CPPED1: variants seen among roughly 807,000 people sequenced by gnomAD.
The protein encoded by CPPED1 is serine/threonine-protein phosphatase CPPED1.
A neutral mutation model predicts 28.0 loss-of-function variants in CPPED1; 28 were observed. That is an observed-to-expected ratio of 1.00 (90% CI 0.74 to 1.37). CPPED1 has a LOEUF of 1.37. CPPED1 is among the 40% of genes most tolerant of loss of function. The pLI is 0.00. For synonymous variants in CPPED1, 198 were observed against 180.2 expected (o/e 1.10, Z -0.79); for missense variants, 504 against 416.5 (o/e 1.21, Z -1.83).
intron 1 of CPPED1, among the ~76,000 whole-genome samples, chr16:12,801,407 A>G (rs548385160): frequency 6.6e-6 from 1 of 152,060 alleles, no homozygotes; most frequent in African/African-American, 2.4e-5. Context: ...ACAAATATAT[A>G]GGCGTGAGCC....
chr16:12,692,845 T>C (rs1206577823), intron 3 of CPPED1, among the ~76,000 whole-genome samples: 1 of 152,176 alleles, frequency 6.6e-6, no homozygotes, highest in Non-Finnish European at 1.5e-5. Flanking sequence ...GCACGCAGCA[T>C]AGGGCCCCAC....
chr16:12,708,201 T>C (rs1002501064), intron 2 of CPPED1, among the ~76,000 whole-genome samples: 8 of 152,146 alleles, frequency 5.3e-5, no homozygotes, highest in Non-Finnish European at 1.2e-4. Context: ...GCCTCTTTCT[T>C]GTGTAGCTTT....
chr16:12,702,390 T>A (rs1274222347), intron 3 of CPPED1, among the ~76,000 whole-genome samples: 2 of 152,012 alleles, frequency 1.3e-5, no homozygotes, highest in African/African-American at 4.8e-5. Context: ...TTAAAAAAAT[T>A]AGCTGGGCAT....
At chr16:12,675,136 G>C (rs1026172074) in intron 3 of CPPED1, among the ~76,000 whole-genome samples, 2 of 152,226 alleles carry the variant, frequency 1.3e-5, no homozygotes, top group African/African-American at 4.8e-5. Flanking sequence ...CAACTCGATG[G>C]AGGTAAGGAA....
intron 2 of CPPED1, among the ~76,000 whole-genome samples, chr16:12,759,931 G>T (rs1293125353): frequency 6.6e-6 from 1 of 152,134 alleles, no homozygotes; most frequent in Non-Finnish European, 1.5e-5. Context: ...AAGTCAGAAG[G>T]GAATACCAAA....
intron 3 of CPPED1, among the ~76,000 whole-genome samples, chr16:12,691,820 G>T (rs985770201): frequency 1.1e-5 from 1 of 94,160 alleles, no homozygotes; most frequent in Non-Finnish European, 1.9e-5. Flanking sequence ...TGTGGGGTGG[G>T]GGGAGGGGGG....
intron 3 of CPPED1, among the ~76,000 whole-genome samples, chr16:12,678,622 C>T (rs1055902022): frequency 6.6e-6 from 1 of 152,082 alleles, no homozygotes; most frequent in Admixed American, 6.5e-5. Context: ...CTTTGCTATT[C>T]CTAGGTATTT....
In CPPED1 at chr16:12,759,065, G is replaced by C. The variant is rs143659441; in HGVS notation, c.289+22120C>G. 4.0e-3 allele frequency among the ~76,000 whole-genome samples: 611 copies of C among 151,048 alleles called. 6 individuals carry two copies. Among genetic ancestry groups the C allele is most frequent in the Middle Eastern group, 0.02 (6 of 294 alleles). On this transcript the variant is annotated intron_variant, in intron 2 of 3. Coordinates refer to ENST00000381774, the MANE Select transcript of CPPED1 (RefSeq NM_018340.3). ...GCAGTCCCAGCTACTCAGGGGGCTA[G>C]GGTAGCAGGATCACTTGAGCCCAAG... is the stretch of plus-strand genomic sequence containing the variant.
At chr16:12,673,298 G>GT (rs766552120) in intron 3 of CPPED1, among the ~76,000 whole-genome samples, 61 of 152,340 alleles carry the variant, frequency 4.0e-4, no homozygotes, top group Middle Eastern at 6.8e-3. Context: ...ATGGGACCGC[G>GT]TAAGATCAGC....
intron 3 of CPPED1, among the ~76,000 whole-genome samples, chr16:12,694,690 G>A (rs2079980023): frequency 7.9e-6 from 1 of 126,674 alleles, no homozygotes; most frequent in African/African-American, 3.0e-5. Flanking sequence ...TAGCTGATAA[G>A]GTCCCACAAA....
chr16:12,742,090 T>C (rs952533941), intron 2 of CPPED1, among the ~76,000 whole-genome samples: 2 of 151,688 alleles, frequency 1.3e-5, no homozygotes, highest in African/African-American at 4.8e-5. Context: ...AATAAATAAA[T>C]AAATAAAATA....
intron 2 of CPPED1, among the ~76,000 whole-genome samples, chr16:12,773,696 G>A (rs1199854564): frequency 6.6e-6 from 1 of 152,076 alleles, no homozygotes; most frequent in Non-Finnish European, 1.5e-5. Context: ...ACCCAGCCTG[G>A]GCGACAGAGT....
At position 12,676,162 on chromosome 16, in the gene CPPED1, C is replaced by A. The variant is rs1427461519; in HGVS notation, c.716-11047G>T. 4.6e-5 allele frequency among the ~76,000 whole-genome samples: 7 copies of A among 152,170 alleles called. No individual in the cohort carries two copies. The South Asian group carries it at 1.4e-3, about 32-fold the overall frequency. On this transcript the variant is annotated intron_variant, in intron 3 of 3. Transcript: ENST00000381774. ...TATATCTTCCCCAGTGACCCAATGC[C>A]TGTGGCCCAGGACTGCCAGGGGACA... is the stretch of plus-strand genomic sequence containing the variant.
chr16:12,744,733 T>C (rs561179483), intron 2 of CPPED1, among the ~76,000 whole-genome samples: 2 of 152,104 alleles, frequency 1.3e-5, no homozygotes, highest in African/African-American at 4.8e-5. Flanking sequence ...GTAATCCCAG[T>C]ACTTTGGGAG....
At chr16:12,791,584 T>C (rs554611225) in intron 1 of CPPED1, among the ~76,000 whole-genome samples, 3 of 152,228 alleles carry the variant, frequency 2.0e-5, no homozygotes, top group South Asian at 4.1e-4. Context: ...CACCTTACCG[T>C]TCCCATCACC....
chr16:12,722,219 G>T (rs2080144937), intron 2 of CPPED1, among the ~76,000 whole-genome samples: 1 of 152,184 alleles, frequency 6.6e-6, no homozygotes, highest in Non-Finnish European at 1.5e-5. Flanking sequence ...CACTAATGGA[G>T]CCTTTTACTC....
chr16:12,727,493 C>T (rs1460398136), intron 2 of CPPED1, among the ~76,000 whole-genome samples: 1 of 152,136 alleles, frequency 6.6e-6, no homozygotes, highest in Non-Finnish European at 1.5e-5. Context: ...GCTGAGACCA[C>T]AGGCGTATAC....
intron 1 of CPPED1, among the ~76,000 whole-genome samples, chr16:12,791,735 T>C (rs927540275): frequency 2.0e-5 from 3 of 152,172 alleles, no homozygotes; most frequent in Admixed American, 1.3e-4. Context: ...AACCAGATCA[T>C]CAAATTCCTG....
At chr16:12,803,604 G>A (rs1218856878) in intron 1 of CPPED1, 103 bp downstream of exon 1, 3 of 1,042,308 alleles carry the variant, frequency 2.9e-6, no homozygotes, top group African/African-American at 3.4e-5. Flanking sequence ...GTGCAGCCCC[G>A]GATGGTGTCC....
Sources: allele counts gnomAD v4.1 joint callset (sites outside exome capture counted in the v4.1 genomes callset), GRCh38; gene constraint gnomAD v4.1.1; transcripts MANE v1.5; gene names NCBI Gene and HGNC (gene_info 2026-07-23, HGNC 2026-07-21).